The following INSR variants were observed in gnomAD, a reference collection of about 807,000 sequenced individuals.
INSR encodes IR.
In INSR, 67 loss-of-function variants were observed where a neutral mutation model predicts 142.6. The observed-to-expected ratio is 0.47, with a 90% confidence interval of 0.39 to 0.58. INSR has a LOEUF of 0.58. INSR is among the 20% of genes least tolerant of loss of function. The probability of loss-of-function intolerance (pLI) is 0.00; values close to 1 mark genes in which losing one functional copy is unlikely to be tolerated. For synonymous variants in INSR, 756 were observed against 743.1 expected (o/e 1.02, Z -0.28); for missense variants, 1,248 against 1,833.2 (o/e 0.68, Z 5.83).
intron 2 of INSR, among the ~76,000 whole-genome samples, chr19:7,238,125 G>A (rs186941553): frequency 4.5e-4 from 68 of 152,158 alleles, no homozygotes; most frequent in African/African-American, 1.6e-3. Context: ...GAAGAGACCA[G>A]GATTGAATGT....
intron 2 of INSR, among the ~76,000 whole-genome samples, chr19:7,209,547 A>C (rs1975213785): frequency 6.6e-6 from 1 of 151,028 alleles, no homozygotes; most frequent in Non-Finnish European, 1.5e-5. Flanking sequence ...CCTCTCGAGT[A>C]ACTGGGATTA....
chr19:7,231,967 C>G (rs913389982), intron 2 of INSR, among the ~76,000 whole-genome samples: 31 of 148,170 alleles, frequency 2.1e-4, no homozygotes, highest in Non-Finnish European at 2.9e-4. Flanking sequence ...ATATGCCCTA[C>G]TTTTTGCATG....
intron 14 of INSR, among the ~76,000 whole-genome samples, chr19:7,130,777 C>T (rs1972757140): frequency 1.9e-5 from 2 of 106,560 alleles, no homozygotes; most frequent in African/African-American, 4.9e-5. Flanking sequence ...TCCTCTTCCT[C>T]TCTCTCTTCT....
intron 1 of INSR, among the ~76,000 whole-genome samples, chr19:7,279,844 G>A (rs1968157536): frequency 1.3e-5 from 2 of 151,786 alleles, no homozygotes; most frequent in African/African-American, 4.8e-5. Context: ...GTGTGGTGGT[G>A]TGCACCTGTA....
intron 1 of INSR, chr19:7,268,291 CG>C (rs113405107): frequency 0.085 from 24,012 of 281,882 alleles, 1,161 homozygotes; most frequent in African/African-American, 0.14. Context: ...AAGGTGCCCG[CG>C]GTCAGAAATG....
At chr19:7,169,466 T>C (rs3848572) in intron 6 of INSR, among the ~76,000 whole-genome samples, 47,163 of 150,816 alleles carry the variant, frequency 0.31, 10,511 homozygotes, top group African/African-American at 0.63. Flanking sequence ...ATCCCAGCTA[T>C]TCTGGAGGCT....
intron 1 of INSR, among the ~76,000 whole-genome samples, chr19:7,271,334 A>G (rs1967920900): frequency 6.6e-6 from 1 of 151,802 alleles, no homozygotes; most frequent in Non-Finnish European, 1.5e-5. Context: ...CGTCTCTACT[A>G]AAAATACAAA....
chr19:7,292,039 C>T (rs1436248541), intron 1 of INSR, among the ~76,000 whole-genome samples: 6 of 151,844 alleles, frequency 4.0e-5, no homozygotes, highest in Admixed American at 3.9e-4. Flanking sequence ...GTGATCCACC[C>T]GCCTCGGCCT....
chr19:7,275,612 G>A (rs893126623), intron 1 of INSR, among the ~76,000 whole-genome samples: 3 of 151,796 alleles, frequency 2.0e-5, no homozygotes, highest in East Asian at 2.0e-4. Context: ...GTGAAACCCC[G>A]TCTCTACTAA....
At chr19:7,232,422 G>A (rs950041471) in intron 2 of INSR, among the ~76,000 whole-genome samples, 9 of 152,104 alleles carry the variant, frequency 5.9e-5, no homozygotes, top group African/African-American at 9.7e-5. Flanking sequence ...TCAAATTCCC[G>A]ACCTCAAGTG....
At chr19:7,259,644 C>T (rs1033869238) in intron 2 of INSR, among the ~76,000 whole-genome samples, 23 of 151,938 alleles carry the variant, frequency 1.5e-4, no homozygotes, top group Admixed American at 1.5e-3. Context: ...CATGGCGAAA[C>T]CCCATCTCTA....
chr19:7,179,865 G>A (rs1599952646), intron 3 of INSR, among the ~76,000 whole-genome samples: 2 of 152,190 alleles, frequency 1.3e-5, no homozygotes, highest in East Asian at 3.8e-4. Flanking sequence ...AAGAAGTGGA[G>A]TCTATGTTCC....
At chr19:7,232,481 A>C (rs990112490) in intron 2 of INSR, among the ~76,000 whole-genome samples, 3 of 152,170 alleles carry the variant, frequency 2.0e-5, no homozygotes, top group African/African-American at 7.2e-5. Context: ...GGCGTGAGCC[A>C]CTGCACCCCG....
At chr19:7,129,366 C>G (rs946704365) in intron 14 of INSR, among the ~76,000 whole-genome samples, 1 of 152,076 alleles carries the variant, frequency 6.6e-6, no homozygotes, top group Admixed American at 6.6e-5. Flanking sequence ...GCTCTGACAC[C>G]CAGGCTAGAG....
At chr19:7,153,053 CCACACACACACA>C in intron 9 of INSR, 126 bp from the exon 10 acceptor site, 1 of 411,292 alleles carries the variant, frequency 2.4e-6, no homozygotes, top group Non-Finnish European at 4.2e-6. Flanking sequence ...ACACACCCCC[CCACACACACACA>C]CCACACACAT....
At chr19:7,239,813 T>C (rs1976283412) in intron 2 of INSR, among the ~76,000 whole-genome samples, 2 of 125,270 alleles carry the variant, frequency 1.6e-5, no homozygotes, top group African/African-American at 6.6e-5. Context: ...TTAAAGAACA[T>C]AGTGGCTGAG....
At chr19:7,154,097 G>C (rs1272868488) in intron 9 of INSR, among the ~76,000 whole-genome samples, 1 of 151,798 alleles carries the variant, frequency 6.6e-6, no homozygotes, top group Non-Finnish European at 1.5e-5. Context: ...GGAGGTGGAG[G>C]TTGCAGTGAG....
chr19:7,203,157 A>G (rs1395564087), intron 2 of INSR, among the ~76,000 whole-genome samples: 1 of 151,892 alleles, frequency 6.6e-6, no homozygotes, highest in African/African-American at 2.4e-5. Context: ...CCTGAGTCTC[A>G]TCTCCCAGAT....
intron 13 of INSR, among the ~76,000 whole-genome samples, chr19:7,134,923 T>C (rs1972870715): frequency 6.6e-6 from 1 of 151,550 alleles, no homozygotes; most frequent in Non-Finnish European, 1.5e-5. Flanking sequence ...ATTCCAGAAC[T>C]TATGAGAAGA....
Sources: allele counts gnomAD v4.1 joint callset (sites outside exome capture counted in the v4.1 genomes callset), GRCh38; gene constraint gnomAD v4.1.1; transcripts MANE v1.5; gene names NCBI Gene and HGNC (gene_info 2026-07-23, HGNC 2026-07-21).